GALNTL6: variants seen among roughly 807,000 people sequenced by gnomAD.
The protein encoded by GALNTL6 is polypeptide N-acetylgalactosaminyltransferase-like 6.
Under a neutral mutation model 73.7 loss-of-function variants are expected in GALNTL6, and 46 were observed. That is an observed-to-expected ratio of 0.62 (90% CI 0.49 to 0.80). GALNTL6 has a LOEUF of 0.80. Ranked by LOEUF, GALNTL6 falls within the 30% of genes least tolerant of loss-of-function variation. The probability of loss-of-function intolerance (pLI) is 0.00; values close to 1 mark genes in which losing one functional copy is unlikely to be tolerated. For missense variants in GALNTL6, 604 were observed against 755.0 expected, an observed-to-expected ratio of 0.80 and a Z score of 2.34; for synonymous variants, 259 against 263.7, an observed-to-expected ratio of 0.98 and a Z score of 0.17.
intron 2 of GALNTL6, among the ~76,000 whole-genome samples, chr4:171,884,833 A>G (rs1736562837): frequency 6.6e-6 from 1 of 152,044 alleles, no homozygotes; most frequent in African/African-American, 2.4e-5. Flanking sequence ...AGGCAGGCTG[A>G]TCATCTGAGG....
intron 2 of GALNTL6, among the ~76,000 whole-genome samples, chr4:172,069,814 G>A (rs1292943198): frequency 9.6e-6 from 1 of 104,572 alleles, no homozygotes; most frequent in African/African-American, 3.6e-5. Flanking sequence ...CACAGTTCTG[G>A]GTGCCAGAAT....
intron 3 of GALNTL6, among the ~76,000 whole-genome samples, chr4:172,291,163 G>A (rs1739458941): frequency 6.6e-6 from 1 of 151,988 alleles, no homozygotes; most frequent in East Asian, 1.9e-4. Flanking sequence ...AATACATAAA[G>A]CTGACAGCCA....
chr4:172,428,996 G>T (rs567884817), intron 5 of GALNTL6, among the ~76,000 whole-genome samples: 6 of 151,896 alleles, frequency 4.0e-5, no homozygotes, highest in South Asian at 2.1e-4. Flanking sequence ...CGGCTGATTC[G>T]GTGTCTGCTG....
At chr4:172,522,662 CA>C (rs1311289543) in intron 5 of GALNTL6, among the ~76,000 whole-genome samples, 1 of 92,492 alleles carries the variant, frequency 1.1e-5, no homozygotes, top group Non-Finnish European at 2.1e-5. Context: ...GAGTGAAACT[CA>C]GTCCCCCCCC....
In GALNTL6 at chr4:172,069,602, A is replaced by ATATAACACATG. The variant is rs1560909764; in HGVS notation, c.139-160053_139-160052insATAACACATGT. Among the ~76,000 whole-genome samples the ATATAACACATG allele has an allele frequency of 6.6e-4, 5 of 7,534 alleles. 2 individuals carry two copies. Among genetic ancestry groups the ATATAACACATG allele is most frequent in the African/African-American group, 1.0e-3 (5 of 4,842 alleles). The allele number at this position is 7,534 out of a possible 152,430, so 4.9% of individuals were successfully genotyped here. ...TATATATTATATATATAACACATAT[A>ATATAACACATG]TGTTATATATATATAACATATATAT... On this transcript the variant is annotated intron_variant, in intron 2 of 12. Transcript: ENST00000506823.
intron 2 of GALNTL6, among the ~76,000 whole-genome samples, chr4:171,889,570 A>G (rs887738006): frequency 2.0e-5 from 3 of 152,102 alleles, no homozygotes; most frequent in Non-Finnish European, 4.4e-5. Context: ...TTACTCAGTT[A>G]CTTTTTCTGG....
intron 5 of GALNTL6, among the ~76,000 whole-genome samples, chr4:172,516,241 T>A (rs1214231009): frequency 6.6e-6 from 1 of 152,170 alleles, no homozygotes; most frequent in African/African-American, 2.4e-5. Context: ...TATTTCTGAA[T>A]CCTAAACTAG....
intron 2 of GALNTL6, among the ~76,000 whole-genome samples, chr4:171,862,651 G>A (rs1373485939): frequency 3.3e-5 from 5 of 151,782 alleles, no homozygotes; most frequent in African/African-American, 1.2e-4. Flanking sequence ...TTAGAAAGTC[G>A]ACTGCATTTT....
chr4:172,100,930 C>T (rs72990339), intron 2 of GALNTL6, among the ~76,000 whole-genome samples: 4,727 of 152,188 alleles, frequency 0.031, 255 homozygotes, highest in African/African-American at 0.11. Context: ...ATTAAAATCT[C>T]GGGGCACAAA....
At chr4:172,109,409 GA>G (rs1732789048) in intron 2 of GALNTL6, among the ~76,000 whole-genome samples, 1 of 152,198 alleles carries the variant, frequency 6.6e-6, no homozygotes, top group African/African-American at 2.4e-5. Context: ...AGTTGACAGA[GA>G]GAAGAAAATA....
intron 2 of GALNTL6, among the ~76,000 whole-genome samples, chr4:171,872,224 A>C (rs1736157283): frequency 6.6e-6 from 1 of 152,210 alleles, no homozygotes; most frequent in Non-Finnish European, 1.5e-5. Context: ...ACCTGACAAG[A>C]CTTTTTCTTG....
intron 2 of GALNTL6, among the ~76,000 whole-genome samples, chr4:172,194,482 A>G (rs980862853): frequency 6.6e-6 from 1 of 152,178 alleles, no homozygotes; most frequent in African/African-American, 2.4e-5. Context: ...AAGAAGATCA[A>G]CCACAAGGCA....
At chr4:172,086,068 A>G (rs1225581354) in intron 2 of GALNTL6, among the ~76,000 whole-genome samples, 1 of 152,172 alleles carries the variant, frequency 6.6e-6, no homozygotes, top group African/African-American at 2.4e-5. Flanking sequence ...AAATTCTATC[A>G]GTTCTGATAG....
intron 5 of GALNTL6, among the ~76,000 whole-genome samples, chr4:172,600,483 T>C (rs62330042): frequency 0.089 from 13,472 of 152,116 alleles, 723 homozygotes; most frequent in Non-Finnish European, 0.13. Context: ...GACTGGTATT[T>C]GAGTAGTAGA....
At chr4:172,736,258 A>G (rs1235047475) in intron 5 of GALNTL6, among the ~76,000 whole-genome samples, 2 of 152,220 alleles carry the variant, frequency 1.3e-5, no homozygotes, top group Admixed American at 6.5e-5. Context: ...CAACTGCATA[A>G]GACAGACACT....
chr4:172,378,897 T>C (rs1435155777), intron 5 of GALNTL6, among the ~76,000 whole-genome samples: 2 of 152,172 alleles, frequency 1.3e-5, no homozygotes, highest in Non-Finnish European at 2.9e-5. Context: ...ATGTTCAAGA[T>C]TTTATGTAAA....
chr4:171,911,995 T>C (rs1007286118), intron 2 of GALNTL6, among the ~76,000 whole-genome samples: 1 of 152,170 alleles, frequency 6.6e-6, no homozygotes, highest in African/African-American at 2.4e-5. Context: ...GTTCTTGATA[T>C]ATCCATTTGT....
At chr4:172,427,453 G>A (rs933315994) in intron 5 of GALNTL6, among the ~76,000 whole-genome samples, 5 of 152,056 alleles carry the variant, frequency 3.3e-5, no homozygotes, top group Non-Finnish European at 4.4e-5. Context: ...GGCATGTGGG[G>A]ATTATGGGAG....
intron 2 of GALNTL6, among the ~76,000 whole-genome samples, chr4:172,122,832 C>T (rs749189045): frequency 2.0e-5 from 3 of 152,198 alleles, no homozygotes; most frequent in Non-Finnish European, 4.4e-5. Context: ...GGAACCCTTA[C>T]CTGCTCATGT....
Sources: gnomAD v4.1 joint callset for allele counts (sites outside exome capture counted in the v4.1 genomes callset) on GRCh38, gnomAD v4.1.1 for gene constraint, MANE v1.5 for transcripts, NCBI Gene and HGNC (gene_info 2026-07-23, HGNC 2026-07-21) for gene names.